Variants in WDFY1 observed in about 807,000 individuals in gnomAD.
WDFY1 encodes the protein WD repeat and FYVE domain containing 1.
WDFY1 carries 32 observed loss-of-function variants against 56.4 expected under a neutral mutation model. That is an observed-to-expected ratio of 0.57 (90% CI 0.43 to 0.76). The LOEUF (loss-of-function observed/expected upper bound fraction) is 0.76. Ranked by LOEUF, WDFY1 falls within the 30% of genes least tolerant of loss-of-function variation. WDFY1 has a pLI of 0.00. For synonymous variants in WDFY1, 192 were observed against 197.3 expected (o/e 0.97, Z 0.23); for missense variants, 480 against 545.7 (o/e 0.88, Z 1.20).
At chr2:223,911,432 C>T (rs657022) in intron 3 of WDFY1, among the ~76,000 whole-genome samples, 131,509 of 152,152 alleles carry the variant, frequency 0.86, 57,309 homozygotes, top group Non-Finnish European at 0.93. Flanking sequence ...TAAGAAAAAA[C>T]AAATGTATGC....
chr2:223,880,499 C>A (rs1316604378), intron 10 of WDFY1, among the ~76,000 whole-genome samples: 1 of 151,194 alleles, frequency 6.6e-6, no homozygotes, highest in Admixed American at 6.6e-5. Flanking sequence ...CCCAGCTACT[C>A]GGGAGGCTGA....
chr2:223,901,444 A>G (rs1286206625), intron 4 of WDFY1, 111 bp from the exon 5 acceptor site: 2 of 1,294,498 alleles, frequency 1.5e-6, no homozygotes, highest in Non-Finnish European at 2.1e-6. Flanking sequence ...TGTGTACAAG[A>G]GTGTACTGGA....
intron 8 of WDFY1, among the ~76,000 whole-genome samples, chr2:223,891,972 A>T (rs1693286774): frequency 6.6e-6 from 1 of 151,732 alleles, no homozygotes; most frequent in Non-Finnish European, 1.5e-5. Context: ...CCTATAATTT[A>T]TATATATATA....
rs755025034 is a variant in WDFY1 at position 223,945,242 on chromosome 2, C to T, written c.43G>A (p.Val15Met). The T allele has an allele frequency of 6.9e-6, 11 of 1,591,808 alleles. No homozygotes were observed. The South Asian group carries it at 1.2e-4, about 18-fold the overall frequency. The change falls in exon 1 of 12, where the codon GTG (valine) becomes ATG (methionine). Residue 15 changes from valine to methionine, a missense_variant. Transcript: ENST00000233055. ...TGCCCCTCGATCTTGCTCAGCAGCA[C>T]CGGGCGGCTGCTCTGCGGCCTGGAG... is the stretch of plus-strand genomic sequence containing the variant. ...IHSRPQSSRP[V>M]LLSKIEGHQD...
At chr2:223,924,368 CTTTA>C (rs1035959343) in intron 1 of WDFY1, among the ~76,000 whole-genome samples, 2 of 152,122 alleles carry the variant, frequency 1.3e-5, no homozygotes, top group Non-Finnish European at 2.9e-5. Flanking sequence ...ACTACCATCA[CTTTA>C]TTTATTTATT....
At chr2:223,898,040 A>G (rs1174822203) in intron 6 of WDFY1, among the ~76,000 whole-genome samples, 1 of 152,144 alleles carries the variant, frequency 6.6e-6, no homozygotes, top group Non-Finnish European at 1.5e-5. Flanking sequence ...CTTTACTGCA[A>G]TGCAAGAATG....
chr2:223,912,784 T>C (rs1223943040), intron 2 of WDFY1, among the ~76,000 whole-genome samples: 20 of 152,216 alleles, frequency 1.3e-4, no homozygotes, highest in Admixed American at 1.3e-3. Flanking sequence ...GGTGCAGATA[T>C]ATGGCATATG....
intron 1 of WDFY1, among the ~76,000 whole-genome samples, chr2:223,936,464 G>C (rs1214561823): frequency 6.6e-6 from 1 of 152,162 alleles, no homozygotes; most frequent in Non-Finnish European, 1.5e-5. Context: ...AGATTAGTGG[G>C]ACAGATCCAA....
chr2:223,905,103 T>C (rs548426950), intron 4 of WDFY1, among the ~76,000 whole-genome samples: 4 of 152,280 alleles, frequency 2.6e-5, no homozygotes, highest in African/African-American at 4.8e-5. Flanking sequence ...CATTTTCAAA[T>C]TGAGAACTTT....
At chr2:223,915,468 T>C (rs929101434) in intron 2 of WDFY1, among the ~76,000 whole-genome samples, 1 of 152,192 alleles carries the variant, frequency 6.6e-6, no homozygotes, top group South Asian at 2.1e-4. Flanking sequence ...GTTGTACTAT[T>C]TGGGGGAAAT....
chr2:223,881,756 C>T (rs1401124483), intron 10 of WDFY1, among the ~76,000 whole-genome samples, 186 bp downstream of exon 10: 1 of 152,082 alleles, frequency 6.6e-6, no homozygotes, highest in Non-Finnish European at 1.5e-5. Flanking sequence ...CCACTGCACT[C>T]CAGCATGGGT....
rs1246125482 is a variant in WDFY1, at chr2:223,898,957, C to T, written c.598+1G>A. 1.2e-6 allele frequency: 2 copies of T among 1,613,470 alleles called. No individual in the cohort carries two copies. On this transcript the variant is annotated splice_donor_variant, in intron 6 of 11. Coordinates refer to ENST00000233055, the MANE Select transcript of WDFY1 (RefSeq NM_020830.5). LOFTEE classifies it high-confidence loss of function. ...AACTCTTGGGTGATAATATAGCCTACCTTCATGTCCTTTGAGGGTTGTGAT... is the reference window on the plus strand; with the variant it reads ...AACTCTTGGGTGATAATATAGCCTATCTTCATGTCCTTTGAGGGTTGTGAT...
chr2:223,908,986 G>A (rs186618041), intron 3 of WDFY1, among the ~76,000 whole-genome samples: 53 of 152,228 alleles, frequency 3.5e-4, no homozygotes, highest in Middle Eastern at 3.4e-3. Flanking sequence ...ACTGGGGTCC[G>A]GAGGCAGCCT....
chr2:223,940,519 G>A (rs920057452), intron 1 of WDFY1, among the ~76,000 whole-genome samples: 1 of 151,996 alleles, frequency 6.6e-6, no homozygotes, highest in African/African-American at 2.4e-5. Context: ...TAGAGAAAAG[G>A]GACTTTCAAC....
chr2:223,930,263 G>A (rs1174559595), intron 1 of WDFY1, among the ~76,000 whole-genome samples: 2 of 152,226 alleles, frequency 1.3e-5, no homozygotes, highest in South Asian at 2.1e-4. Flanking sequence ...ACTCCTCCCT[G>A]CATCCACGCT....
rs182738907 is a variant in WDFY1 at position 223,920,237 on chromosome 2, C to A, written c.138-2227G>T. Reference sequence around the variant, plus strand: ...AGAAGCATCAGCAGCTGGACATCCACCAGGGCCAGCACACCAGTGACCCGC... The same window carrying A: ...AGAAGCATCAGCAGCTGGACATCCAACAGGGCCAGCACACCAGTGACCCGC... On this transcript the variant is annotated intron_variant, in intron 1 of 11. Coordinates refer to ENST00000233055, the MANE Select transcript of WDFY1 (RefSeq NM_020830.5). Among the ~76,000 whole-genome samples, 862 of 152,344 alleles carry A rather than the reference C, an allele frequency of 5.7e-3. 4 individuals carry two copies. Among genetic ancestry groups the A allele is most frequent in the Non-Finnish European group, 9.9e-3 (673 of 68,024 alleles).
chr2:223,923,467 CA>C (rs1693924051), intron 1 of WDFY1, among the ~76,000 whole-genome samples: 1 of 152,108 alleles, frequency 6.6e-6, no homozygotes, highest in Non-Finnish European at 1.5e-5. Context: ...TTTACAGGAG[CA>C]AACTATTTCA....
In WDFY1 at chr2:223,921,015, C is replaced by A. The variant is rs1278393399; in HGVS notation, c.138-3005G>T. Among the ~76,000 whole-genome samples the A allele has an allele frequency of 4.6e-5, 7 of 152,106 alleles. No individual in the cohort carries two copies. In the East Asian group the frequency reaches 1.3e-3, roughly 29 times the overall value. ...AATACAAGTCAAACTGATCAGAGAC[C>A]AGAGGGACAATCAGAATAGTGGTTG... On this transcript the variant is annotated intron_variant, in intron 1 of 11. Transcript: ENST00000233055.
At chr2:223,897,391 T>TA (rs1559166021) in intron 6 of WDFY1, among the ~76,000 whole-genome samples, 36 of 35,068 alleles carry the variant, frequency 1.0e-3, no homozygotes, top group African/African-American at 3.3e-3. Context: ...TATATATATA[T>TA]TTTTTAAGAC....
Sources: allele counts gnomAD v4.1 joint callset (sites outside exome capture counted in the v4.1 genomes callset), GRCh38; gene constraint gnomAD v4.1.1; transcripts MANE v1.5; gene names NCBI Gene and HGNC (gene_info 2026-07-23, HGNC 2026-07-21).